ARHGEF26: variants seen among roughly 807,000 people sequenced by gnomAD.
The protein encoded by ARHGEF26 is Rho guanine nucleotide exchange factor 26.
In ARHGEF26, 59 loss-of-function variants were observed where a neutral mutation model predicts 89.4. The ratio of observed to expected loss-of-function variants is 0.66; its 90% CI spans 0.54 to 0.82. ARHGEF26 has a LOEUF of 0.82. Among genes scored for constraint, ARHGEF26 ranks in the 40% least tolerant of loss-of-function variants. ARHGEF26 has a pLI of 0.00. For missense variants in ARHGEF26, 1,234 were observed against 1,085.6 expected (o/e 1.14, Z -1.92); for synonymous variants, 500 against 428.4 (o/e 1.17, Z -2.06).
intron 12 of ARHGEF26, among the ~76,000 whole-genome samples, chr3:154,244,499 G>C: frequency 6.6e-6 from 1 of 152,264 alleles, no homozygotes; most frequent in East Asian, 1.9e-4. Flanking sequence ...GCTGAAGAAA[G>C]CATATAGGGA....
At chr3:154,179,141 C>T (rs893549126) in intron 6 of ARHGEF26, among the ~76,000 whole-genome samples, 6 of 152,210 alleles carry the variant, frequency 3.9e-5, no homozygotes, top group South Asian at 2.1e-4. Flanking sequence ...TTATGGACCC[C>T]TTTGAAAATC....
rs1425712988 is a variant in ARHGEF26, at chr3:154,255,903, A to G, written c.*430A>G. 1.0e-6 allele frequency: 1 copy of G among 989,386 alleles called. No homozygotes were observed. Among genetic ancestry groups the G allele is most frequent in the Non-Finnish European group, 1.2e-6 (1 of 832,662 alleles). The allele number at this position is 989,386 out of a possible 1,614,324, so 61.3% of individuals were successfully genotyped here. A position where few individuals can be genotyped will look rare whatever the true frequency, so the allele number is the denominator to read the frequency against. On this transcript the variant is annotated 3_prime_UTR_variant, in exon 15 of 15. Transcript: ENST00000465093. Reference sequence around the variant, plus strand: ...GATTGTATATCTGTAAAGAATGTCCAGTTTTGTAAATATTTCCCTGCCTTT... The same window carrying G: ...GATTGTATATCTGTAAAGAATGTCCGGTTTTGTAAATATTTCCCTGCCTTT...
intron 11 of ARHGEF26, among the ~76,000 whole-genome samples, chr3:154,237,518 G>A (rs1159850839): frequency 2.2e-5 from 3 of 133,990 alleles, no homozygotes; most frequent in African/African-American, 8.6e-5. Flanking sequence ...CTCCAGCCTG[G>A]GTGACAGAGT....
chr3:154,255,621 C>G lies in ARHGEF26; in HGVS notation c.*148C>G. The G allele has an allele frequency of 2.1e-6, 3 of 1,444,728 alleles. No homozygotes were observed. Among genetic ancestry groups the G allele is most frequent in the African/African-American group, 2.9e-5 (2 of 69,844 alleles). The allele number at this position is 1,444,728 out of a possible 1,614,324, so 89.5% of individuals were successfully genotyped here. On this transcript the variant is annotated 3_prime_UTR_variant, in exon 15 of 15. Coordinates refer to ENST00000465093, the MANE Select transcript of ARHGEF26 (RefSeq NM_015595.4). ...CCTTTAAGCTTGCCAGGTTGTTCTG[C>G]TCTCTCATGAGAAGAGCTTGGATAC...
chr3:154,219,051 C>T (rs1489929115), intron 10 of ARHGEF26, among the ~76,000 whole-genome samples: 1 of 152,196 alleles, frequency 6.6e-6, no homozygotes, highest in African/African-American at 2.4e-5. Context: ...CATGCACACA[C>T]ATGCATGCAC....
At chr3:154,252,546 C>T (rs1022545555) in intron 12 of ARHGEF26, among the ~76,000 whole-genome samples, 5 of 151,976 alleles carry the variant, frequency 3.3e-5, no homozygotes, top group African/African-American at 1.2e-4. Context: ...GGTCATTTTT[C>T]CTGTGCTCAT....
chr3:154,249,689 A>G (rs1201398689), intron 12 of ARHGEF26, among the ~76,000 whole-genome samples: 1 of 152,146 alleles, frequency 6.6e-6, no homozygotes, highest in African/African-American at 2.4e-5. Context: ...GGCCTGTGCA[A>G]AGTGAATGTG....
chr3:154,257,056 C>G lies in ARHGEF26; in HGVS notation c.*1583C>G. On this transcript the variant is annotated 3_prime_UTR_variant, in exon 15 of 15. Transcript: ENST00000465093. ...CAAATCTGTATGTGACATGTCCCAA[C>G]TACTGTCCGCTAACTAGTTATCCAA... The G allele has an allele frequency of 7.3e-7, 1 of 1,374,692 alleles. No individual in the cohort carries two copies. Among genetic ancestry groups the G allele is most frequent in the South Asian group, 1.7e-5 (1 of 60,594 alleles). The allele number at this position is 1,374,692 out of a possible 1,614,324, so 85.2% of individuals were successfully genotyped here. A position where few individuals can be genotyped will look rare whatever the true frequency, so the allele number is the denominator to read the frequency against.
At chr3:154,143,866 T>G (rs1719531528) in intron 4 of ARHGEF26, among the ~76,000 whole-genome samples, 1 of 152,242 alleles carries the variant, frequency 6.6e-6, no homozygotes, top group Non-Finnish European at 1.5e-5. Flanking sequence ...CCTCATTTTC[T>G]CTTCTTAATT....
intron 6 of ARHGEF26, among the ~76,000 whole-genome samples, chr3:154,167,497 A>C (rs372070222): frequency 6.6e-6 from 1 of 152,158 alleles, no homozygotes; most frequent in Non-Finnish European, 1.5e-5. Flanking sequence ...AATATAATTC[A>C]GTCTAGTCTC....
chr3:154,220,402 A>C (rs1356116330), intron 10 of ARHGEF26, among the ~76,000 whole-genome samples: 1 of 152,184 alleles, frequency 6.6e-6, no homozygotes, highest in African/African-American at 2.4e-5. Flanking sequence ...GAGATGGACA[A>C]CTCTAAGAGC....
chr3:154,219,939 A>ACCAAAAAAAC (rs1716024290), intron 10 of ARHGEF26, among the ~76,000 whole-genome samples: 4 of 151,402 alleles, frequency 2.6e-5, no homozygotes, highest in Admixed American at 2.6e-4. Context: ...CAAAAAACAA[A>ACCAAAAAAAC]CAAAAAAGTA....
At chr3:154,150,321 A>G (rs1288720297) in intron 5 of ARHGEF26, among the ~76,000 whole-genome samples, 1 of 152,138 alleles carries the variant, frequency 6.6e-6, no homozygotes, top group East Asian at 1.9e-4. Flanking sequence ...CTGATAGTGT[A>G]GAAGGCCTGC....
chr3:154,181,518 C>T (rs990656697), intron 6 of ARHGEF26, among the ~76,000 whole-genome samples: 6 of 152,124 alleles, frequency 3.9e-5, no homozygotes, highest in Non-Finnish European at 7.4e-5. Context: ...CACCGGACAG[C>T]GGCATTGATT....
intron 6 of ARHGEF26, among the ~76,000 whole-genome samples, chr3:154,171,345 T>C (rs1250274569): frequency 2.0e-5 from 3 of 152,220 alleles, no homozygotes; most frequent in African/African-American, 7.2e-5. Flanking sequence ...TTTGTTGTAA[T>C]TGATGAAGCT....
rs546623942 is a variant in ARHGEF26, at chr3:154,179,224, C to A, written c.1488-8461C>A. ...TATAATTGTACTGACAACAACAAAC[C>A]TGGCATGCAAGTTCAGAGAGTTTGT... On this transcript the variant is annotated intron_variant, in intron 6 of 14. Transcript: ENST00000465093. 3.3e-5 allele frequency among the ~76,000 whole-genome samples: 5 copies of A among 152,252 alleles called. No homozygotes were observed. In the East Asian group the frequency reaches 9.7e-4, roughly 29 times the overall value.
chr3:154,245,290 A>G (rs1166457728), intron 12 of ARHGEF26, among the ~76,000 whole-genome samples: 1 of 152,198 alleles, frequency 6.6e-6, no homozygotes, highest in Non-Finnish European at 1.5e-5. Flanking sequence ...CAGCTTCCAA[A>G]AGTGCCAGGA....
At chr3:154,203,289 C>G (rs1181570330) in intron 9 of ARHGEF26, among the ~76,000 whole-genome samples, 2 of 152,074 alleles carry the variant, frequency 1.3e-5, no homozygotes, top group African/African-American at 2.4e-5. Flanking sequence ...TGTTTATATG[C>G]TGGATTACAT....
chr3:154,246,900 G>A (rs1717832201), intron 12 of ARHGEF26, among the ~76,000 whole-genome samples: 1 of 152,172 alleles, frequency 6.6e-6, no homozygotes, highest in Non-Finnish European at 1.5e-5. Flanking sequence ...GCTAGCTTGA[G>A]TTGTTTCTTA....
Sources: gnomAD v4.1 joint callset for allele counts (sites outside exome capture counted in the v4.1 genomes callset) on GRCh38, gnomAD v4.1.1 for gene constraint, MANE v1.5 for transcripts, NCBI Gene and HGNC (gene_info 2026-07-23, HGNC 2026-07-21) for gene names.